Variants in AGBL4 observed in about 807,000 individuals in gnomAD.
The protein encoded by AGBL4 is AGBL carboxypeptidase 4.
In AGBL4, 58 loss-of-function variants were observed where a neutral mutation model predicts 66.4. The ratio of observed to expected loss-of-function variants is 0.87; its 90% CI spans 0.71 to 1.09. AGBL4 has a LOEUF of 1.09. Among genes scored for constraint, AGBL4 ranks in the 50% least tolerant of loss-of-function variants. The pLI, the probability that AGBL4 is intolerant of heterozygous loss-of-function variation, is 0.00. For missense variants in AGBL4, 579 were observed against 631.0 expected (o/e 0.92, Z 0.88); for synonymous variants, 234 against 222.9 (o/e 1.05, Z -0.44).
chr1:48,663,173 G>A lies in AGBL4; in HGVS notation c.703C>T (p.Pro235Ser), dbSNP rs1199065557. 2.5e-6 allele frequency: 4 copies of A among 1,613,810 alleles called. No homozygotes were observed. The highest frequency in any genetic ancestry group is 2.7e-5 in the African/African-American group (2 of 74,896). Reference protein sequence around the residue: ...ITGRVHPGETPSSFVCQGIID... With the variant: ...ITGRVHPGETSSSFVCQGIID... ...TCACCTTGGCACACAAATGATGAGG[G>A]TGTTTCCCCTGGGTGGACTCGTCCT... The change falls in exon 7 of 14, where the codon CCC becomes TCC. Residue 235 changes from proline (P) to serine (S), a missense_variant. By Grantham distance (74) the Pro-to-Ser change is moderately conservative. Transcript: ENST00000371839.
At chr1:48,532,235 A>G (rs1309713116), downstream of AGBL4, among the ~76,000 whole-genome samples, 1 of 152,204 alleles carries the variant, frequency 6.6e-6, no homozygotes, top group East Asian at 1.9e-4. Context: ...CATTTTCCAC[A>G]CGTAAGTTCA....
chr1:48,917,729 A>G (rs1259412547), intron 5 of AGBL4, among the ~76,000 whole-genome samples: 1 of 152,246 alleles, frequency 6.6e-6, no homozygotes, highest in Non-Finnish European at 1.5e-5. Flanking sequence ...ATATGAAAAA[A>G]TTGGGGCTCA....
intron 1 of AGBL4, among the ~76,000 whole-genome samples, chr1:49,899,066 C>G (rs903318948): frequency 6.6e-6 from 1 of 152,024 alleles, no homozygotes; most frequent in Non-Finnish European, 1.5e-5. Context: ...TTTGGTAGTA[C>G]AACAGAGGGA....
At chr1:49,928,163 G>GA (rs1376393015) in intron 1 of AGBL4, among the ~76,000 whole-genome samples, 3 of 152,126 alleles carry the variant, frequency 2.0e-5, no homozygotes, top group Non-Finnish European at 4.4e-5. Flanking sequence ...TTATCTAAAA[G>GA]AAAAAAGACT....
intron 4 of AGBL4, among the ~76,000 whole-genome samples, chr1:49,118,445 A>G (rs984807680): frequency 5.9e-5 from 9 of 152,152 alleles, no homozygotes; most frequent in Non-Finnish European, 1.2e-4. Context: ...GAATTTTGTC[A>G]AAGCCCTTTT....
chr1:49,936,734 A>G (rs1297128633), intron 1 of AGBL4, among the ~76,000 whole-genome samples: 1 of 152,076 alleles, frequency 6.6e-6, no homozygotes, highest in Non-Finnish European at 1.5e-5. Flanking sequence ...ATCCAGCCAA[A>G]CTAAGCTTCA....
At position 49,920,094 on chromosome 1, in the gene AGBL4, T is replaced by C. The variant is rs369777613; in HGVS notation, c.35-68576A>G. Among the ~76,000 whole-genome samples, 337 of 152,288 alleles carry C rather than the reference T, an allele frequency of 2.2e-3. 9 individuals are homozygous for C. The East Asian group carries it at 0.056, about 25-fold the overall frequency. On this transcript the variant is annotated intron_variant, in intron 1 of 13. Transcript: ENST00000371839. ...ACCTTACACAAAAATTAATTCAAGA[T>C]GGATTAAAGACTTACATGTTAGACC...
At chr1:49,120,521 C>T (rs1293481852) in intron 4 of AGBL4, among the ~76,000 whole-genome samples, 1 of 152,162 alleles carries the variant, frequency 6.6e-6, no homozygotes, top group Non-Finnish European at 1.5e-5. Context: ...TGAATATTGG[C>T]CCCCACTCTC....
Position 49,425,065 on chromosome 1 carries a change from A to G in AGBL4, c.283-179201T>C, listed in dbSNP as rs555282417. 2.6e-5 allele frequency among the ~76,000 whole-genome samples: 4 copies of G among 152,154 alleles called. No homozygotes were observed. The South Asian group carries it at 8.3e-4, about 32-fold the overall frequency. ...AGGTCCCTTTTAAGAACCTGAAATG[A>G]CCCAGGAAATGTGGTTAATGAATGT... On this transcript the variant is annotated intron_variant, in intron 3 of 13. Transcript: ENST00000371839.
chr1:48,877,787 G>A (rs564435525), intron 5 of AGBL4, among the ~76,000 whole-genome samples: 2 of 151,992 alleles, frequency 1.3e-5, no homozygotes, highest in Non-Finnish European at 2.9e-5. Context: ...TAAGGATTAG[G>A]AGCACAGAGA....
chr1:49,512,940 A>G (rs1003755470), intron 3 of AGBL4, among the ~76,000 whole-genome samples: 4 of 152,012 alleles, frequency 2.6e-5, no homozygotes, highest in African/African-American at 4.8e-5. Flanking sequence ...AAAATTCCCA[A>G]GTACTTTCCC....
chr1:49,509,468 G>A (rs967850500), intron 3 of AGBL4, among the ~76,000 whole-genome samples: 1 of 151,642 alleles, frequency 6.6e-6, no homozygotes, highest in Non-Finnish European at 1.5e-5. Context: ...TCGGAGACCT[G>A]GGTTATAAAA....
At chr1:49,042,694 GA>G (rs1294563814) in intron 5 of AGBL4, among the ~76,000 whole-genome samples, 1 of 152,112 alleles carries the variant, frequency 6.6e-6, no homozygotes, top group African/African-American at 2.4e-5. Context: ...GGCTTTCAAG[GA>G]GTAGAGTCAT....
Position 49,466,594 on chromosome 1 carries a change from A to G in AGBL4, c.283-220730T>C, listed in dbSNP as rs190389371. On this transcript the variant is annotated intron_variant, in intron 3 of 13. Transcript: ENST00000371839. ...GATGGCCATTTTATCTGCATGAGAT[A>G]TAGAGGGGAAATCACAATTTTTTTA... Among the ~76,000 whole-genome samples the G allele has an allele frequency of 9.5e-4, 145 of 151,868 alleles. 2 individuals carry two copies. The highest frequency in any genetic ancestry group is 2.7e-3 in the Admixed American group (41 of 15,228).
intron 5 of AGBL4, among the ~76,000 whole-genome samples, chr1:49,028,073 G>A (rs911779498): frequency 8.5e-5 from 13 of 152,190 alleles, no homozygotes; most frequent in African/African-American, 2.4e-4. Flanking sequence ...AGCTTGTAGT[G>A]AAATTTATGC....
At chr1:49,885,574 G>C (rs998704566) in intron 1 of AGBL4, among the ~76,000 whole-genome samples, 7 of 151,618 alleles carry the variant, frequency 4.6e-5, no homozygotes, top group Non-Finnish European at 1.5e-5. Context: ...ACACAAACAA[G>C]ACATCTTGGT....
At chr1:49,925,958 C>A (rs987666204) in intron 1 of AGBL4, among the ~76,000 whole-genome samples, 3 of 152,124 alleles carry the variant, frequency 2.0e-5, no homozygotes, top group Admixed American at 6.5e-5. Context: ...AACTTGCCAC[C>A]CTGAAGGAAG....
rs914441220 is a variant in AGBL4, at chr1:49,461,496, CT to C, written c.283-215633del. ...CTATTTCACTGAAGAATTTTCCTTT[CT>C]TTTTTTTTTATTATACTTTAAGTTC... is the stretch of plus-strand genomic sequence containing the variant. On this transcript the variant is annotated intron_variant, in intron 3 of 13. Transcript: ENST00000371839. Among the ~76,000 whole-genome samples, 1,297 of 146,126 alleles carry C rather than the reference CT, an allele frequency of 8.9e-3. 19 individuals are homozygous for C. Among genetic ancestry groups the C allele is most frequent in the African/African-American group, 0.03 (1,211 of 40,090 alleles).
rs1234448623 is a variant in AGBL4, at chr1:49,768,225, A to G, written c.158-70788T>C. 1.3e-5 allele frequency among the ~76,000 whole-genome samples: 2 copies of G among 152,156 alleles called. 1 individual carries two copies. Among genetic ancestry groups the G allele is most frequent in the South Asian group, 4.1e-4 (2 of 4,830 alleles). On this transcript the variant is annotated intron_variant, in intron 2 of 13. Coordinates refer to ENST00000371839, the MANE Select transcript of AGBL4 (RefSeq NM_032785.4). ...AATCTGTCAAAGACACAATGAAAAC[A>G]AGAAAACTGCAGGTTAATATGCATG... is the stretch of plus-strand genomic sequence containing the variant.
Sources: allele counts gnomAD v4.1 joint callset (sites outside exome capture counted in the v4.1 genomes callset), GRCh38; gene constraint gnomAD v4.1.1; transcripts MANE v1.5; gene names NCBI Gene and HGNC (gene_info 2026-07-23, HGNC 2026-07-21).